PCNX2: variants seen among roughly 807,000 people sequenced by gnomAD.
PCNX2 encodes the protein pecanex 2, also known as pecanex-like protein 2.
Under a neutral mutation model 223.8 loss-of-function variants are expected in PCNX2, and 168 were observed. That is an observed-to-expected ratio of 0.75 (90% CI 0.66 to 0.85). The LOEUF (loss-of-function observed/expected upper bound fraction) is 0.85, where lower values mean the gene tolerates loss of function less well. Among genes scored for constraint, PCNX2 ranks in the 40% least tolerant of loss-of-function variants. The probability of loss-of-function intolerance (pLI) is 0.00; values close to 1 mark genes in which losing one functional copy is unlikely to be tolerated. For missense variants in PCNX2, 2,507 were observed against 2,675.5 expected (o/e 0.94, Z 1.39); for synonymous variants, 1,006 against 1,052.6 (o/e 0.96, Z 0.86).
chr1:233,050,209 C>T (rs967587658), intron 25 of PCNX2, among the ~76,000 whole-genome samples: 3 of 151,918 alleles, frequency 2.0e-5, no homozygotes, highest in Admixed American at 6.6e-5. Context: ...GCATGTTCTG[C>T]ACATGTATCC....
chr1:233,275,192 AG>A (rs1213178886), intron 1 of PCNX2, among the ~76,000 whole-genome samples: 1 of 152,182 alleles, frequency 6.6e-6, no homozygotes. Flanking sequence ...ATTAATGGCA[AG>A]ATCGTTCAAA....
At chr1:233,275,895 T>C (rs1225819572) in intron 1 of PCNX2, among the ~76,000 whole-genome samples, 3 of 151,724 alleles carry the variant, frequency 2.0e-5, no homozygotes, top group Non-Finnish European at 4.4e-5. Context: ...CTGGGCATGG[T>C]GGTGTGTGCC....
intron 25 of PCNX2, among the ~76,000 whole-genome samples, chr1:233,035,212 C>T (rs992911407): frequency 1.2e-4 from 18 of 152,106 alleles, no homozygotes; most frequent in Admixed American, 1.2e-3. Flanking sequence ...AAAGTCGAAA[C>T]GCACAACACA....
At chr1:233,133,321 T>C (rs1455774124) in intron 21 of PCNX2, among the ~76,000 whole-genome samples, 2 of 152,146 alleles carry the variant, frequency 1.3e-5, no homozygotes, top group African/African-American at 2.4e-5. Context: ...ATGACAGAAA[T>C]TGATAGTTAA....
intron 16 of PCNX2, 23 bp downstream of exon 16, chr1:233,179,043 G>A: frequency 6.3e-7 from 1 of 1,597,678 alleles, no homozygotes; most frequent in Non-Finnish European, 8.6e-7. Flanking sequence ...AGTGATGAGA[G>A]AGCACAGGCA....
chr1:233,280,298 CTTTTTT>C, intron 1 of PCNX2, among the ~76,000 whole-genome samples: 1 of 115,866 alleles, frequency 8.6e-6, no homozygotes, highest in African/African-American at 3.1e-5. Context: ...TCCATATTAC[CTTTTTT>C]TTTTTTTTTT....
chr1:233,040,970 C>T (rs1475291618), intron 25 of PCNX2, among the ~76,000 whole-genome samples: 1 of 152,212 alleles, frequency 6.6e-6, no homozygotes, highest in East Asian at 1.9e-4. Context: ...CTTCAACAAT[C>T]TTTGCACCCT....
At chr1:233,176,551 T>C (rs1254722070) in intron 17 of PCNX2, among the ~76,000 whole-genome samples, 2 of 152,174 alleles carry the variant, frequency 1.3e-5, no homozygotes, top group African/African-American at 2.4e-5. Flanking sequence ...GGAGGGCAGG[T>C]TGGCTAAACG....
chr1:233,171,558 T>C (rs1679152784), intron 17 of PCNX2, among the ~76,000 whole-genome samples: 1 of 152,178 alleles, frequency 6.6e-6, no homozygotes, highest in Admixed American at 6.6e-5. Flanking sequence ...GCTTGCAGCC[T>C]CTCATCCATT....
chr1:233,260,988 T>C (rs1660011701), intron 4 of PCNX2, among the ~76,000 whole-genome samples: 1 of 152,160 alleles, frequency 6.6e-6, no homozygotes, highest in African/African-American at 2.4e-5. Context: ...TAATTTATCA[T>C]CAATAAAAAA....
chr1:233,009,877 G>A (rs1670404739), intron 28 of PCNX2, among the ~76,000 whole-genome samples: 1 of 152,212 alleles, frequency 6.6e-6, no homozygotes, highest in African/African-American at 2.4e-5. Context: ...CATACGCCAG[G>A]CCCAGGTGGG....
intron 25 of PCNX2, among the ~76,000 whole-genome samples, chr1:233,045,889 T>C (rs1283567368): frequency 6.6e-6 from 1 of 152,204 alleles, no homozygotes; most frequent in Admixed American, 6.5e-5. Flanking sequence ...GTGGTGTGAT[T>C]TTAGACTTGG....
the PCNX2 span, among the ~76,000 whole-genome samples, chr1:233,301,354 C>T: frequency 2.6e-5 from 4 of 152,200 alleles, no homozygotes; most frequent in East Asian, 7.7e-4. Context: ...AGAATGTTGA[C>T]CATTAACAGA....
chr1:233,093,587 C>G (rs1673996455), intron 22 of PCNX2, among the ~76,000 whole-genome samples: 1 of 152,030 alleles, frequency 6.6e-6, no homozygotes, highest in South Asian at 2.1e-4. Context: ...ATATTCTGAA[C>G]AGCATGATGT....
rs536340642 is a variant in PCNX2 at position 233,243,601 on chromosome 1, A to G, written c.2223-6621T>C. On this transcript the variant is annotated intron_variant, in intron 8 of 33. Transcript: ENST00000258229. ...ACATAAATCAACTCATAAAAGCACTAGAGGAAAGGCTTCCATCTGGCCAAA... is the reference window on the plus strand; with the variant it reads ...ACATAAATCAACTCATAAAAGCACTGGAGGAAAGGCTTCCATCTGGCCAAA... Among the ~76,000 whole-genome samples, 18 of 152,364 alleles carry G rather than the reference A, an allele frequency of 1.2e-4. No homozygotes were observed. In the South Asian group the frequency reaches 3.5e-3, roughly 30 times the overall value.
Position 233,135,048 on chromosome 1 carries a change from G to T in PCNX2, c.3802C>A (p.Leu1268Met), listed in dbSNP as rs750120101. The T allele has an allele frequency of 1.2e-6, 2 of 1,611,622 alleles. No homozygotes were observed. Among genetic ancestry groups the T allele is most frequent in the Non-Finnish European group, 1.7e-6 (2 of 1,177,742 alleles). The change falls in exon 21 of 34, where the codon CTG (leucine) becomes ATG (methionine). Residue 1268 changes from leucine to methionine, a missense_variant. Transcript: ENST00000258229. The part of the protein sequence containing the change: ...DYKDISESFL[L>M]DFFMVSILFS... ...AAAATGGACACCATGAAGAAATCCA[G>T]TAAGAAGCTCTCTGAAATATCTTTG...
chr1:233,326,513 T>C, the PCNX2 span, among the ~76,000 whole-genome samples: 1 of 152,234 alleles, frequency 6.6e-6, no homozygotes, highest in South Asian at 2.1e-4. Context: ...CTATTTATTA[T>C]ATTCCCATTT....
At chr1:233,070,951 G>A (rs1387897145) in intron 23 of PCNX2, among the ~76,000 whole-genome samples, 2 of 152,118 alleles carry the variant, frequency 1.3e-5, no homozygotes, top group African/African-American at 4.8e-5. Flanking sequence ...GCAGGAGAAT[G>A]GGTGAACCCG....
rs775481226 is a variant in PCNX2 at position 233,258,306 on chromosome 1, C to A, written c.1556G>T (p.Cys519Phe). ...ATGCCTCTTTTCATGGCTGGACTTA[C>A]AAGACGATGGGTCAAGGTTAGTCTG... is the stretch of plus-strand genomic sequence containing the variant. ...EGQTNLDPSS[C>F]KSSHEKRHAR... The change falls in exon 5 of 34, where the codon TGT becomes TTT. Residue 519 changes from cysteine to phenylalanine, a missense_variant. Coordinates refer to ENST00000258229, the MANE Select transcript of PCNX2 (RefSeq NM_014801.4). 2.5e-5 allele frequency: 40 copies of A among 1,613,908 alleles called. No homozygotes were observed. The highest frequency in any genetic ancestry group is 3.1e-5 in the Non-Finnish European group (36 of 1,179,906).
Sources: allele counts gnomAD v4.1 joint callset (sites outside exome capture counted in the v4.1 genomes callset), GRCh38; gene constraint gnomAD v4.1.1; transcripts MANE v1.5; gene names NCBI Gene and HGNC (gene_info 2026-07-23, HGNC 2026-07-21).